NOC3L: variants seen among roughly 807,000 people sequenced by gnomAD.
The protein encoded by NOC3L is NOC3 like DNA replication regulator.
NOC3L carries 85 observed loss-of-function variants against 102.5 expected under a neutral mutation model. That is an observed-to-expected ratio of 0.83 (90% CI 0.70 to 0.99). The LOEUF (loss-of-function observed/expected upper bound fraction) is 0.99, where lower values mean the gene tolerates loss of function less well. NOC3L is among the 50% of genes least tolerant of loss of function. NOC3L has a pLI of 0.00. For missense variants in NOC3L, 878 were observed against 914.9 expected (o/e 0.96, Z 0.52); for synonymous variants, 303 against 309.4 (o/e 0.98, Z 0.22).
intron 5 of NOC3L, among the ~76,000 whole-genome samples, chr10:94,355,391 CT>C (rs200203754): frequency 0.044 from 6,194 of 139,508 alleles, 336 homozygotes; most frequent in African/African-American, 0.14. Context: ...GATTCTAGAA[CT>C]TTTTTTTTTT....
chr10:94,362,027 TTAATCC>T, intron 1 of NOC3L, 155 bp from the exon 2 acceptor site: 1 of 697,676 alleles, frequency 1.4e-6, no homozygotes, highest in Non-Finnish European at 2.6e-6. Flanking sequence ...AACGATGGCT[TTAATCC>T]TACAGAAGAG....
At chr10:94,355,391 CTT>C (rs200203754) in intron 5 of NOC3L, among the ~76,000 whole-genome samples, 105 of 139,512 alleles carry the variant, frequency 7.5e-4, no homozygotes, top group African/African-American at 1.1e-3. Flanking sequence ...GATTCTAGAA[CTT>C]TTTTTTTTTT....
At chr10:94,328,013 AAATAT>A in the NOC3L span, 1 of 530,796 alleles carries the variant, frequency 1.9e-6, no homozygotes, top group Non-Finnish European at 3.9e-6. Context: ...ATGGTGGAAA[AAATAT>A]AATTATTTTC....
At chr10:94,338,377 C>T (rs2054245879) in intron 18 of NOC3L, among the ~76,000 whole-genome samples, 1 of 152,038 alleles carries the variant, frequency 6.6e-6, no homozygotes, top group Admixed American at 6.6e-5. Flanking sequence ...TCCACAACTG[C>T]ACCCTACAGA....
intron 8 of NOC3L, among the ~76,000 whole-genome samples, chr10:94,350,824 G>A (rs1339523722): frequency 6.6e-6 from 1 of 151,436 alleles, no homozygotes; most frequent in Non-Finnish European, 1.5e-5. Context: ...GGAGTCAATT[G>A]AGCATTTGAA....
At chr10:94,342,729 CAAA>C (rs748792344) in intron 13 of NOC3L, among the ~76,000 whole-genome samples, 7 of 81,088 alleles carry the variant, frequency 8.6e-5, no homozygotes, top group Non-Finnish European at 1.2e-4. Context: ...TTTACAAAAC[CAAA>C]AAAAAAAAAA....
chr10:94,362,801 G>C, intron 1 of NOC3L, 29 bp downstream of exon 1: 1 of 1,613,872 alleles, frequency 6.2e-7, no homozygotes, highest in Non-Finnish European at 8.5e-7. Flanking sequence ...GCCCTAGGCC[G>C]CGGCGACCGG....
intron 19 of NOC3L, among the ~76,000 whole-genome samples, chr10:94,336,048 A>G (rs1392015975): frequency 6.6e-6 from 1 of 152,126 alleles, no homozygotes; most frequent in African/African-American, 2.4e-5. Context: ...AGCTTGTAGG[A>G]GTTATTTATA....
At chr10:94,325,285 T>C in the NOC3L span, 14,626 of 578,644 alleles carry the variant, frequency 0.025, 221 homozygotes, top group African/African-American at 0.047. Context: ...TGATATGCTA[T>C]TGAACACCGC....
At position 94,352,892 on chromosome 10, in the gene NOC3L, T is replaced by C. The variant is rs759062248; in HGVS notation, c.858+4A>G. ...AGTAATTATATCTAGCAATCTAGCA[T>C]TACCTTAGTAGATTTTTCTGCTTCT... On this transcript the variant is annotated splice_donor_region_variant and intron_variant, in intron 7 of 20. Transcript: ENST00000371361. 42 of 1,609,746 alleles carry C rather than the reference T, an allele frequency of 2.6e-5. No individual in the cohort carries two copies. Among genetic ancestry groups the C allele is most frequent in the Non-Finnish European group, 3.6e-5 (42 of 1,177,124 alleles).
Position 94,362,900 on chromosome 10 carries a change from T to G in NOC3L, c.-62A>C. ...ACCAGAAGCAGGGTTACTACAGAAA[T>G]CCCGGGGAATGACACACGTGCCGAA... On this transcript the variant is annotated 5_prime_UTR_variant, in exon 1 of 21. Coordinates refer to ENST00000371361, the MANE Select transcript of NOC3L (RefSeq NM_022451.11). 1 of 1,613,334 alleles carries G rather than the reference T, an allele frequency of 6.2e-7. No homozygotes were observed. Among genetic ancestry groups the G allele is most frequent in the East Asian group, 2.2e-5 (1 of 44,844 alleles).
Position 94,361,825 on chromosome 10 carries a change from A to G in NOC3L, c.57T>C (p.Thr19=), listed in dbSNP as rs752006776. 1 of 1,613,594 alleles carries G rather than the reference A, an allele frequency of 6.2e-7. No homozygotes were observed. Among genetic ancestry groups the G allele is most frequent in the East Asian group, 2.2e-5 (1 of 44,872 alleles). ...QIPSFRKLIK[T]SKVKLENKLK... is the part of the protein sequence containing the mutation. Reference sequence around the variant, plus strand: ...GCTTGTTTTCAAGTTTGACTTTACTAGTTTTTATTAACTTGCGAAAGCTTG... The same window carrying G: ...GCTTGTTTTCAAGTTTGACTTTACTGGTTTTTATTAACTTGCGAAAGCTTG... The change falls in exon 2 of 21, where the codon ACT becomes ACC. Residue 19 remains threonine (T), a synonymous_variant. Transcript: ENST00000371361.
At chr10:94,340,379 T>C in intron 15 of NOC3L, 32 bp from the exon 16 acceptor site, 1 of 1,609,964 alleles carries the variant, frequency 6.2e-7, no homozygotes, top group Non-Finnish European at 8.5e-7. Context: ...CAATTAGGTA[T>C]GTTATAGCAT....
chr10:94,351,805 G>C (rs1402874687), intron 8 of NOC3L, among the ~76,000 whole-genome samples: 2 of 151,898 alleles, frequency 1.3e-5, no homozygotes, highest in Non-Finnish European at 2.9e-5. Flanking sequence ...TGGGGTTACA[G>C]GTGTGACCCA....
the NOC3L span, chr10:94,324,241 C>G: frequency 8.4e-5 from 70 of 837,326 alleles, no homozygotes; most frequent in Non-Finnish European, 1.3e-4. Flanking sequence ...GGAAGATCCC[C>G]TTCATCTCTA....
intron 7 of NOC3L, 39 bp from the exon 8 acceptor site, chr10:94,352,442 G>A: frequency 1.4e-6 from 2 of 1,413,008 alleles, no homozygotes; most frequent in South Asian, 2.4e-5. Flanking sequence ...TTTAAAATCA[G>A]AACATTAAAA....
chr10:94,349,127 A>AGTTG, intron 10 of NOC3L, 123 bp downstream of exon 10: 1 of 1,039,936 alleles, frequency 9.6e-7, no homozygotes. Flanking sequence ...TGACATGTTA[A>AGTTG]ACACTTAAGG....
Position 94,334,250 on chromosome 10 carries a change from TTG to T in NOC3L, c.2328_2329del (p.Arg778IlefsTer4). On this transcript the variant is annotated frameshift_variant, in exon 21 of 21. Transcript: ENST00000371361. LOFTEE classifies it high-confidence loss of function. The stretch of plus-strand genomic sequence containing the variant: ...AGTAGCAACTTCACTGGAGTATCTT[TTG>T]ATTAGCTGATTTAAATCTTCATTCA... The T allele has an allele frequency of 3.7e-6, 6 of 1,611,822 alleles. No homozygotes were observed. Among genetic ancestry groups the T allele is most frequent in the Non-Finnish European group, 5.1e-6 (6 of 1,178,766 alleles).
At chr10:94,343,333 A>G (rs1422422667) in intron 13 of NOC3L, among the ~76,000 whole-genome samples, 2 of 152,204 alleles carry the variant, frequency 1.3e-5, no homozygotes, top group Non-Finnish European at 2.9e-5. Flanking sequence ...TGACTCACTC[A>G]GGAGTTCAAG....
Sources: allele counts gnomAD v4.1 joint callset (sites outside exome capture counted in the v4.1 genomes callset), GRCh38; gene constraint gnomAD v4.1.1; transcripts MANE v1.5; gene names NCBI Gene and HGNC (gene_info 2026-07-23, HGNC 2026-07-21).